ANO3: variants seen among roughly 807,000 people sequenced by gnomAD.
ANO3 encodes the protein anoctamin-3.
Under a neutral mutation model 144.8 loss-of-function variants are expected in ANO3, and 99 were observed. The observed-to-expected ratio is 0.68, with a 90% CI of 0.58 to 0.81. The LOEUF (loss-of-function observed/expected upper bound fraction) is 0.81, where lower values mean the gene tolerates loss of function less well. Ranked by LOEUF, ANO3 falls within the 30% of genes least tolerant of loss-of-function variation. The pLI is 0.00. For synonymous variants in ANO3, 414 were observed against 392.6 expected (o/e 1.05, Z -0.64); for missense variants, 905 against 1,202.2 (o/e 0.75, Z 3.66).
chr11:26,406,261 C>T (rs72884574), intron 1 of ANO3, among the ~76,000 whole-genome samples: 8,366 of 151,888 alleles, frequency 0.055, 277 homozygotes, highest in African/African-American at 0.09. Flanking sequence ...ACAGTGCTGT[C>T]ATCCACCTTG....
chr11:26,305,269 G>T (rs1295838424), upstream of ANO3, among the ~76,000 whole-genome samples: 3 of 151,856 alleles, frequency 2.0e-5, no homozygotes, highest in Non-Finnish European at 2.9e-5. Context: ...TGGTTTAGAT[G>T]TCTTTATTTA....
At chr11:26,295,438 T>TGGC (rs1478341914) in intron 1 of ANO3, among the ~76,000 whole-genome samples, 3 of 140,596 alleles carry the variant, frequency 2.1e-5, no homozygotes, top group Non-Finnish European at 3.0e-5. Flanking sequence ...GGCAGAAGAA[T>TGGC]GGCGTGAACC....
At chr11:26,279,880 A>G (rs889363200) in intron 1 of ANO3, among the ~76,000 whole-genome samples, 1 of 152,188 alleles carries the variant, frequency 6.6e-6, no homozygotes, top group Non-Finnish European at 1.5e-5. Flanking sequence ...AAAATACCCA[A>G]TACTTGCTCT....
chr11:26,523,776 T>C (rs1590456691), intron 6 of ANO3, among the ~76,000 whole-genome samples: 2 of 152,326 alleles, frequency 1.3e-5, no homozygotes, highest in East Asian at 3.9e-4. Flanking sequence ...CTCAAAGTTT[T>C]TTAATTGTTT....
At chr11:26,250,366 T>C (rs1852899926) in intron 1 of ANO3, among the ~76,000 whole-genome samples, 1 of 152,214 alleles carries the variant, frequency 6.6e-6, no homozygotes, top group South Asian at 2.1e-4. Flanking sequence ...AAAAGTAACA[T>C]TTTTATTATA....
intron 1 of ANO3, among the ~76,000 whole-genome samples, chr11:26,323,256 C>T (rs1199484689): frequency 6.6e-6 from 1 of 152,062 alleles, no homozygotes; most frequent in African/African-American, 2.4e-5. Flanking sequence ...ATATGGGGTG[C>T]TAGGTGCTAT....
At chr11:26,334,150 T>C (rs1855133994) in intron 1 of ANO3, among the ~76,000 whole-genome samples, 1 of 152,250 alleles carries the variant, frequency 6.6e-6, no homozygotes, top group Non-Finnish European at 1.5e-5. Flanking sequence ...GTTTCCTTTA[T>C]GATGCATTAT....
intron 1 of ANO3, among the ~76,000 whole-genome samples, chr11:26,321,307 C>A (rs188639501): frequency 2.6e-5 from 4 of 152,076 alleles, no homozygotes; most frequent in Admixed American, 2.0e-4. Flanking sequence ...TCCCCTACTC[C>A]CAACCACCTG....
At chr11:26,449,592 CTG>C (rs1162870340) in intron 3 of ANO3, among the ~76,000 whole-genome samples, 4 of 152,008 alleles carry the variant, frequency 2.6e-5, no homozygotes, top group Non-Finnish European at 5.9e-5. Context: ...TCATTTATCA[CTG>C]TGAGTTTTCT....
chr11:26,635,826 A>G (rs1008367637), intron 20 of ANO3, among the ~76,000 whole-genome samples: 1 of 152,228 alleles, frequency 6.6e-6, no homozygotes, highest in African/African-American at 2.4e-5. Flanking sequence ...CTGGCAGTCT[A>G]TATTCTAATT....
At chr11:26,208,871 G>C (rs1360252970) in intron 1 of ANO3, among the ~76,000 whole-genome samples, 1 of 152,136 alleles carries the variant, frequency 6.6e-6, no homozygotes. Context: ...TAAACTGAAG[G>C]CAGATAGCAG....
intron 1 of ANO3, among the ~76,000 whole-genome samples, chr11:26,290,557 A>G (rs909887468): frequency 2.0e-5 from 3 of 152,160 alleles, no homozygotes; most frequent in African/African-American, 7.2e-5. Context: ...AGTGCTATAA[A>G]TTTCCCTCTA....
At chr11:26,560,772 G>A (rs1449475619) in intron 14 of ANO3, 1 of 265,898 alleles carries the variant, frequency 3.8e-6, no homozygotes, top group Admixed American at 5.7e-5. Context: ...GGGCTGTAAT[G>A]GTGAAATCTT....
intron 3 of ANO3, among the ~76,000 whole-genome samples, chr11:26,449,567 T>C (rs372417268): frequency 6.6e-6 from 1 of 152,062 alleles, no homozygotes; most frequent in Non-Finnish European, 1.5e-5. Context: ...CACCCTGTTT[T>C]TGCTCTCTGT....
intron 1 of ANO3, among the ~76,000 whole-genome samples, chr11:26,296,057 T>C (rs999787088): frequency 1.6e-4 from 25 of 152,356 alleles, no homozygotes; most frequent in African/African-American, 5.8e-4. Context: ...TGTCCAAATA[T>C]GTGTTTCTTT....
At chr11:26,652,954 A>C (rs7948089) in intron 24 of ANO3, among the ~76,000 whole-genome samples, 89,180 of 151,980 alleles carry the variant, frequency 0.59, 27,084 homozygotes, top group East Asian at 0.69. Context: ...TTTCAGAAAG[A>C]CACATAATTT....
intron 1 of ANO3, among the ~76,000 whole-genome samples, chr11:26,412,210 C>A (rs6484208): frequency 0.98 from 148,855 of 152,058 alleles, 72,944 homozygotes; most frequent in Middle Eastern, 1. Flanking sequence ...CAGGCAATTT[C>A]ATTAGGCTAT....
chr11:26,493,422 G>A (rs1860795560), intron 4 of ANO3, among the ~76,000 whole-genome samples: 1 of 152,146 alleles, frequency 6.6e-6, no homozygotes, highest in South Asian at 2.1e-4. Flanking sequence ...GATAAGCATA[G>A]TTTTAATGAC....
intron 5 of ANO3, among the ~76,000 whole-genome samples, chr11:26,509,919 G>T (rs532975746): frequency 6.6e-6 from 1 of 151,832 alleles, no homozygotes; most frequent in East Asian, 2.0e-4. Context: ...CAAGGAGGCC[G>T]GATCATGAGG....
Sources: allele counts gnomAD v4.1 joint callset (sites outside exome capture counted in the v4.1 genomes callset), GRCh38; gene constraint gnomAD v4.1.1; transcripts MANE v1.5; gene names NCBI Gene and HGNC (gene_info 2026-07-23, HGNC 2026-07-21).